PEPD: variants seen among roughly 807,000 people sequenced by gnomAD.
PEPD encodes peptidase D.
A neutral mutation model predicts 60.7 loss-of-function variants in PEPD; 53 were observed. The observed-to-expected ratio is 0.87, with a 90% CI of 0.70 to 1.10. The LOEUF (loss-of-function observed/expected upper bound fraction) is 1.10. Ranked by LOEUF, PEPD falls within the 50% of genes least tolerant of loss-of-function variation. The probability of loss-of-function intolerance (pLI) is 0.00; values close to 1 mark genes in which losing one functional copy is unlikely to be tolerated. For synonymous variants in PEPD, 267 were observed against 284.1 expected (o/e 0.94, Z 0.60); for missense variants, 711 against 711.9 (o/e 1.00, Z 0.01).
chr19:33,502,706 G>A (rs909489758), intron 3 of PEPD, among the ~76,000 whole-genome samples: 6 of 152,058 alleles, frequency 3.9e-5, no homozygotes, highest in South Asian at 2.1e-4. Flanking sequence ...TACACCAGGC[G>A]AGCACCAAGT....
intron 2 of PEPD, among the ~76,000 whole-genome samples, chr19:33,512,277 T>G (rs1309666543): frequency 2.0e-5 from 3 of 152,184 alleles, no homozygotes; most frequent in Non-Finnish European, 4.4e-5. Flanking sequence ...TGTGTGAAAG[T>G]GGGCCCAGCT....
chr19:33,507,208 C>T (rs1970830877), intron 3 of PEPD, among the ~76,000 whole-genome samples: 1 of 152,130 alleles, frequency 6.6e-6, no homozygotes, highest in South Asian at 2.1e-4. Flanking sequence ...CCAGGAGGGT[C>T]CCCCGACCTG....
chr19:33,497,494 G>T (rs917901228), intron 4 of PEPD, among the ~76,000 whole-genome samples: 8 of 152,240 alleles, frequency 5.3e-5, no homozygotes, highest in African/African-American at 1.2e-4. Context: ...GATCCTCTGT[G>T]GGGAGGAGGG....
intron 3 of PEPD, among the ~76,000 whole-genome samples, chr19:33,503,503 C>T (rs1970748275): frequency 6.6e-6 from 1 of 152,178 alleles, no homozygotes; most frequent in Non-Finnish European, 1.5e-5. Flanking sequence ...GAGCGCCTCG[C>T]CTGGACTTCG....
chr19:33,419,682 C>T (rs900815726), intron 9 of PEPD, among the ~76,000 whole-genome samples: 1 of 152,256 alleles, frequency 6.6e-6, no homozygotes, highest in Admixed American at 6.5e-5. Context: ...GGAAAAGCTT[C>T]AACTCCATAA....
intron 9 of PEPD, among the ~76,000 whole-genome samples, chr19:33,459,688 AT>A (rs1172353784): frequency 1.1e-4 from 16 of 151,114 alleles, no homozygotes; most frequent in Admixed American, 8.6e-4. Flanking sequence ...TTTTTTTAAC[AT>A]GCCTTCAAGA....
chr19:33,503,601 G>A (rs888358902), intron 3 of PEPD, among the ~76,000 whole-genome samples: 3 of 152,100 alleles, frequency 2.0e-5, no homozygotes, highest in African/African-American at 7.2e-5. Flanking sequence ...TCTCAGCACC[G>A]AGTTGACCCC....
rs758357853 is a variant in PEPD at position 33,478,086 on chromosome 19, C to T, written c.508G>A (p.Glu170Lys). Residue 170 changes from glutamate to lysine, a missense_variant, in exon 7 of 15, where the codon GAA (glutamate) becomes AAA (lysine). Glu to Lys is a moderately conservative substitution (Grantham distance 56). Coordinates refer to ENST00000244137, the MANE Select transcript of PEPD (RefSeq NM_000285.4). Reference protein sequence around the residue: ...EASFDGISKFEVNNTILHPEI... With the variant: ...EASFDGISKFKVNNTILHPEI... ...GGGTGAAGAATGGTATTGTTGACTT[C>T]GAACCTGTAGGGCGAAAAGAAATCA... 8.5e-5 allele frequency: 136 copies of T among 1,608,644 alleles called. No homozygotes were observed. Among genetic ancestry groups the T allele is most frequent in the Admixed American group, 3.3e-4 (20 of 59,710 alleles).
At position 33,493,262 on chromosome 19, in the gene PEPD, GC is replaced by G. The variant is rs774297319; in HGVS notation, c.441+27del. The G allele has an allele frequency of 4.5e-6, 7 of 1,565,746 alleles. No homozygotes were observed. The South Asian group carries it at 7.8e-5, about 17-fold the overall frequency. On this transcript the variant is annotated intron_variant, in intron 5 of 14. Coordinates refer to ENST00000244137, the MANE Select transcript of PEPD (RefSeq NM_000285.4). ...AAAACCCTCCCCAGAGCCAAGCACT[GC>G]CCCACCCCTGGACACCAGCCACTTA...
At chr19:33,401,978 A>C (rs1600085892) in intron 11 of PEPD, 109 bp from the exon 12 acceptor site, 2 of 990,576 alleles carry the variant, frequency 2.0e-6, no homozygotes, top group East Asian at 5.2e-5. Context: ...CGGGTCCTGG[A>C]TGCAACTCCC....
chr19:33,394,829 G>A (rs1345585102), intron 12 of PEPD, among the ~76,000 whole-genome samples: 1 of 152,174 alleles, frequency 6.6e-6, no homozygotes, highest in Non-Finnish European at 1.5e-5. Context: ...GCTGCCCTGC[G>A]TGCCCCAACC....
chr19:33,513,225 T>C (rs985933040), intron 1 of PEPD, among the ~76,000 whole-genome samples: 2 of 152,136 alleles, frequency 1.3e-5, no homozygotes, highest in African/African-American at 4.8e-5. Flanking sequence ...AGAGGCCAGC[T>C]TGGCCCAACC....
In PEPD at chr19:33,478,052, A is replaced by C. The variant is rs1307348385; in HGVS notation, c.542T>G (p.Val181Gly). The C allele has an allele frequency of 1.2e-6, 2 of 1,610,428 alleles. No individual in the cohort carries two copies. The highest frequency in any genetic ancestry group is 3.3e-5 in the Admixed American group (2 of 59,812). ...GACCACAGGCCGTACTCACCACTCA[A>C]CGATCTCTGGGTGAAGAATGGTATT... ...VNNTILHPEI[V>G]ECRVFKTDME... is the part of the protein sequence containing the mutation. Residue 181 changes from valine (V) to glycine (G), a missense_variant, in exon 7 of 15, where the codon GTT (valine) becomes GGT (glycine). Val to Gly is a moderately radical substitution (Grantham distance 109). Transcript: ENST00000244137.
chr19:33,412,919 G>A (rs890394322), intron 10 of PEPD, among the ~76,000 whole-genome samples: 22 of 152,180 alleles, frequency 1.4e-4, no homozygotes, highest in African/African-American at 3.9e-4. Flanking sequence ...GACACATGCC[G>A]CTGTGCATGG....
chr19:33,458,698 G>A (rs964323546), intron 9 of PEPD, among the ~76,000 whole-genome samples: 1 of 146,362 alleles, frequency 6.8e-6, no homozygotes, highest in Admixed American at 6.7e-5. Context: ...GGTGTGTGGT[G>A]TGTGGTATGT....
intron 9 of PEPD, among the ~76,000 whole-genome samples, chr19:33,436,583 C>T (rs1270662533): frequency 2.6e-5 from 4 of 152,230 alleles, no homozygotes; most frequent in Non-Finnish European, 5.9e-5. Context: ...TGTTTAGGTC[C>T]TGCCAGGAAG....
chr19:33,482,942 G>A (rs1358989618), intron 6 of PEPD, among the ~76,000 whole-genome samples: 1 of 152,158 alleles, frequency 6.6e-6, no homozygotes, highest in East Asian at 1.9e-4. Flanking sequence ...AGAACACTAT[G>A]GCCCATAACT....
chr19:33,387,142 T>A lies in PEPD; in HGVS notation c.*202A>T, dbSNP rs1181893354. The A allele has an allele frequency of 4.1e-5, 25 of 608,812 alleles. No homozygotes were observed. Among genetic ancestry groups the A allele is most frequent in the Non-Finnish European group, 7.0e-5 (24 of 344,684 alleles). 37.7% of individuals were successfully genotyped at this position (608,812 alleles called of 1,614,324 possible). ...TTAATAAGCAAGGTATAAAACAGAT[T>A]AAAGGTGGGAGCCTGCAAAAGGGTA... On this transcript the variant is annotated 3_prime_UTR_variant, in exon 15 of 15. Transcript: ENST00000244137.
chr19:33,520,143 A>G (rs1388968881), intron 1 of PEPD, among the ~76,000 whole-genome samples: 2 of 152,064 alleles, frequency 1.3e-5, no homozygotes, highest in African/African-American at 4.8e-5. Flanking sequence ...CCGTCCAGAC[A>G]TCAGCTTGGT....
Sources: allele counts gnomAD v4.1 joint callset (sites outside exome capture counted in the v4.1 genomes callset), GRCh38; gene constraint gnomAD v4.1.1; transcripts MANE v1.5; gene names NCBI Gene and HGNC (gene_info 2026-07-23, HGNC 2026-07-21).